Variants in GREB1 observed in about 807,000 individuals in gnomAD.
GREB1 encodes the protein protein GREB1.
A neutral mutation model predicts 200.7 loss-of-function variants in GREB1; 106 were observed. The observed-to-expected ratio is 0.53, with a 90% CI of 0.45 to 0.62. The LOEUF is 0.62. Ranked by LOEUF, GREB1 falls within the 20% of genes least tolerant of loss-of-function variation. The pLI, the probability that GREB1 is intolerant of heterozygous loss-of-function variation, is 0.00. For synonymous variants in GREB1, 1,132 were observed against 1,092.4 expected (o/e 1.04, Z -0.72); for missense variants, 2,243 against 2,556.8 (o/e 0.88, Z 2.65).
intron 1 of GREB1, among the ~76,000 whole-genome samples, chr2:11,499,668 T>G (rs1572553391): frequency 6.6e-6 from 1 of 152,244 alleles, no homozygotes; most frequent in East Asian, 1.9e-4. Context: ...TGCAGAAAAC[T>G]TATAAAGCAT....
chr2:11,562,488 A>G lies in GREB1; in HGVS notation c.183A>G (p.Glu61=). 1 of 1,611,154 alleles carries G rather than the reference A, an allele frequency of 6.2e-7. No homozygotes were observed. The highest frequency in any genetic ancestry group is 1.1e-5 in the South Asian group (1 of 90,902). ...LEGGSRVDNE[E]EEEEGEGGLE... ...GTGGTAGCCGAGTGGACAATGAGGA[A>G]GAGGAAGAAGAGGGAGAAGGAGGGC... Residue 61 remains glutamate, a synonymous_variant, in exon 3 of 33, where the codon GAA becomes GAG. Transcript: ENST00000381486.
intron 14 of GREB1, 82 bp from the exon 15 acceptor site, chr2:11,598,598 A>C (rs1040938146): frequency 7.3e-6 from 9 of 1,224,776 alleles, no homozygotes; most frequent in African/African-American, 1.5e-5. Context: ...GCTGTGTAGG[A>C]GTCGCTCCTC....
intron 1 of GREB1, among the ~76,000 whole-genome samples, chr2:11,521,033 C>T (rs1329035317): frequency 6.6e-6 from 1 of 152,214 alleles, no homozygotes; most frequent in African/African-American, 2.4e-5. Flanking sequence ...CATGGTCTAT[C>T]AGGACCTGAG....
rs909914224 is a variant in GREB1 at position 11,492,243 on chromosome 2, A to C, written c.-159+9862A>C. ...TGGGCTCTTCCCTCATGCCCACCCCACTTGGTAGAAGCAACCATGCCACAT... is the reference window on the plus strand; with the variant it reads ...TGGGCTCTTCCCTCATGCCCACCCCCCTTGGTAGAAGCAACCATGCCACAT... On this transcript the variant is annotated intron_variant, in intron 1 of 2. Coordinates refer to the GREB1 transcript ENST00000628795. This position sits in a 1 kb window ranked among gnomAD's most constrained non-coding sequence, Gnocchi z 4.0. Among the ~76,000 whole-genome samples the C allele has an allele frequency of 6.6e-6, 1 of 152,170 alleles. No individual in the cohort carries two copies. The highest frequency in any genetic ancestry group is 2.1e-4 in the South Asian group (1 of 4,828).
intron 27 of GREB1, among the ~76,000 whole-genome samples, chr2:11,632,335 CTTTTTTTTTTT>C (rs567209224): frequency 1.8e-5 from 2 of 112,184 alleles, no homozygotes; most frequent in East Asian, 4.8e-4. Flanking sequence ...TTCTTTCTCT[CTTTTTTTTTTT>C]TTTTTTTTTT....
rs538509604 is a variant in GREB1, at chr2:11,633,291, G to A, written c.4991+228G>A. Among the ~76,000 whole-genome samples the A allele has an allele frequency of 2.6e-5, 4 of 152,220 alleles. No individual in the cohort carries two copies. Among genetic ancestry groups the A allele is most frequent in the Admixed American group, 6.5e-5 (1 of 15,304 alleles). ...AAAAAATTGTTATTGGGCCGGGCGC[G>A]GTGGCTCATGCCTGTAATCCCAGCA... On this transcript the variant is annotated intron_variant, in intron 28 of 32. Transcript: ENST00000381486. The surrounding 1 kb of genome is among the most constrained non-coding windows in gnomAD (Gnocchi z 4.1).
chr2:11,555,180 G>A (rs58849374), intron 1 of GREB1, among the ~76,000 whole-genome samples: 5,749 of 152,082 alleles, frequency 0.038, 229 homozygotes, highest in African/African-American at 0.091. Context: ...TTAAACCAAA[G>A]GGAAATAAAG....
intron 3 of GREB1, among the ~76,000 whole-genome samples, chr2:11,565,505 C>T (rs990845540): frequency 6.6e-6 from 1 of 152,202 alleles, no homozygotes; most frequent in Non-Finnish European, 1.5e-5. Flanking sequence ...GGAGCTAAAG[C>T]TACAGGAAGC....
At chr2:11,544,570 ATTCTAAGGAG>A (rs1558520950) in intron 1 of GREB1, among the ~76,000 whole-genome samples, 1 of 152,038 alleles carries the variant, frequency 6.6e-6, no homozygotes, top group Admixed American at 6.5e-5. Context: ...TGGCTGTTCT[ATTCTAAGGAG>A]GGAAGAGGAG....
At position 11,640,383 on chromosome 2, in the gene GREB1, C is replaced by T. The variant is rs772781113; in HGVS notation, c.5779C>T (p.Arg1927Cys). The part of the protein sequence containing the change: ...ELEDEWQFRL[R>C]DEFQTANARE... ...CGAGGACGAGTGGCAGTTCCGGCTG[C>T]GCGATGAGTTCCAGACCGCCAATGC... The change falls in exon 33 of 33, where the codon CGC becomes TGC. Residue 1927 changes from arginine (R) to cysteine (C), a missense_variant. Physicochemically the swap from Arg to Cys is radical, Grantham distance 180. Coordinates refer to ENST00000381486, the MANE Select transcript of GREB1 (RefSeq NM_014668.4). This position sits in a 1 kb window ranked among gnomAD's most constrained non-coding sequence, Gnocchi z 4.6. 19 of 1,614,066 alleles carry T rather than the reference C, an allele frequency of 1.2e-5. No homozygotes were observed. In the South Asian group the frequency reaches 1.2e-4, roughly 10 times the overall value.
In GREB1 at chr2:11,517,345, GA is replaced by G. The variant is rs371517954; in HGVS notation, c.-159+34965del. On this transcript the variant is annotated intron_variant, in intron 1 of 2. Coordinates refer to the GREB1 transcript ENST00000628795. ...ACCTGCTCTTTGGACTGCCTTTTGT[GA>G]CCACCTCCTTCCCAGCTGGCTCAGG... The G allele has an allele frequency of 3.8e-3, 585 of 152,740 alleles. 4 individuals carry two copies. The highest frequency in any genetic ancestry group is 0.017 in the Middle Eastern group (5 of 294). 9.5% of individuals were successfully genotyped at this position (152,740 alleles called of 1,614,324 possible). A position where few individuals can be genotyped will look rare whatever the true frequency, so the allele number is the denominator to read the frequency against.
chr2:11,634,036 G>T, intron 28 of GREB1, 95 bp from the exon 29 acceptor site: 1 of 1,175,210 alleles, frequency 8.5e-7, no homozygotes, highest in Non-Finnish European at 1.3e-6. Context: ...AGGTGTTCAC[G>T]GCAGTCTGAG....
At chr2:11,483,394 G>T (rs1222177792) in intron 1 of GREB1, among the ~76,000 whole-genome samples, 1 of 151,858 alleles carries the variant, frequency 6.6e-6, no homozygotes. Context: ...GTGAGCCCTC[G>T]GTAGGTGGGA....
At chr2:11,591,389 C>A (rs781223522) in intron 10 of GREB1, 1 of 734,856 alleles carries the variant, frequency 1.4e-6, no homozygotes. Context: ...GACGCACTTT[C>A]TTCCAGCACA....
upstream of GREB1, among the ~76,000 whole-genome samples, chr2:11,530,498 C>A (rs1205947683): frequency 7.0e-6 from 1 of 143,584 alleles, no homozygotes; most frequent in African/African-American, 2.6e-5. Context: ...AACCGGGAGG[C>A]GGAGGTTGCA....
chr2:11,597,863 G>T lies in GREB1; in HGVS notation c.2037G>T (p.Ala679=). 6.2e-7 allele frequency: 1 copy of T among 1,614,084 alleles called. No homozygotes were observed. Among genetic ancestry groups the T allele is most frequent in the Non-Finnish European group, 8.5e-7 (1 of 1,179,964 alleles). The change falls in exon 14 of 33, where the codon GCG becomes GCT. Residue 679 remains alanine, a synonymous_variant. Coordinates refer to ENST00000381486, the MANE Select transcript of GREB1 (RefSeq NM_014668.4). This position sits in a 1 kb window ranked among gnomAD's most constrained non-coding sequence, Gnocchi z 4.1. The part of the protein sequence containing the change: ...QKLLSHVCSI[A]DSSTQNLDLG... ...TCCTCTCCCATGTGTGTTCCATTGC[G>T]GATTCCAGCACCCAAAATCTGGACC...
At chr2:11,619,586 T>A (rs545506964) in intron 22 of GREB1, among the ~76,000 whole-genome samples, 4 of 152,366 alleles carry the variant, frequency 2.6e-5, no homozygotes, top group Admixed American at 2.6e-4. Context: ...CCTCACACTA[T>A]TGGATATTAT....
intron 21 of GREB1, among the ~76,000 whole-genome samples, chr2:11,617,634 G>C (rs1292352485): frequency 6.6e-6 from 1 of 152,254 alleles, no homozygotes; most frequent in African/African-American, 2.4e-5. Flanking sequence ...TGCAAGTGCA[G>C]GAAGCCTTAA....
intron 10 of GREB1, among the ~76,000 whole-genome samples, chr2:11,591,025 G>T (rs1680675545): frequency 1.3e-5 from 2 of 152,204 alleles, no homozygotes; most frequent in African/African-American, 2.4e-5. Context: ...TCATATTGGA[G>T]TGGGTTAGAG....
Sources: allele counts gnomAD v4.1 joint callset (sites outside exome capture counted in the v4.1 genomes callset), GRCh38; gene constraint gnomAD v4.1.1; non-coding constraint Gnocchi (gnomAD v3.1); transcripts MANE v1.5; gene names NCBI Gene and HGNC (gene_info 2026-07-23, HGNC 2026-07-21).